DTNA: variants seen among roughly 807,000 people sequenced by gnomAD.
DTNA encodes the protein dystrobrevin alpha, also known as dystrophin-related protein 3.
In DTNA, 43 loss-of-function variants were observed where a neutral mutation model predicts 100.7. The ratio of observed to expected loss-of-function variants is 0.43; its 90% CI spans 0.33 to 0.55. The LOEUF is 0.55. Among genes scored for constraint, DTNA ranks in the 20% least tolerant of loss-of-function variants. The pLI, the probability that DTNA is intolerant of heterozygous loss-of-function variation, is 0.04. For synonymous variants in DTNA, 349 were observed against 347.9 expected, an observed-to-expected ratio of 1.00 and a Z score of -0.04; for missense variants, 798 against 953.9, an observed-to-expected ratio of 0.84 and a Z score of 2.15.
In DTNA at chr18:34,864,076, G is replaced by A. The variant is rs1617318; in HGVS notation, c.1743+14G>A. On this transcript the variant is annotated intron_variant, in intron 17 of 22. Transcript: ENST00000444659. Reference sequence around the variant, plus strand: ...AAGCTACTAAAGGTAAGACCTGCCAGATAAATTTTCCTGAGCTTATTTTCC... The same window carrying A: ...AAGCTACTAAAGGTAAGACCTGCCAAATAAATTTTCCTGAGCTTATTTTCC... 516,490 of 1,594,552 alleles carry A rather than the reference G, an allele frequency of 0.32. 87,720 individuals carry two copies. Among genetic ancestry groups the A allele is most frequent in the African/African-American group, 0.51 (37,906 of 74,562 alleles).
chr18:34,596,190 T>A (rs1440777917), intron 1 of DTNA, among the ~76,000 whole-genome samples: 2 of 152,154 alleles, frequency 1.3e-5, no homozygotes, highest in Non-Finnish European at 2.9e-5. Context: ...AAAGGCTCTT[T>A]GCTGTTTTTT....
chr18:34,785,634 GA>G (rs1216115936), intron 3 of DTNA, among the ~76,000 whole-genome samples: 1 of 152,054 alleles, frequency 6.6e-6, no homozygotes, highest in African/African-American at 2.4e-5. Flanking sequence ...CTCTATAAGA[GA>G]ATATAAATAG....
At chr18:34,748,465 T>C (rs1432094727) in intron 1 of DTNA, among the ~76,000 whole-genome samples, 4 of 152,212 alleles carry the variant, frequency 2.6e-5, no homozygotes, top group Admixed American at 2.6e-4. Context: ...CTTTGAGCCA[T>C]ATTGAGTTGA....
chr18:34,719,616 A>G (rs1276948048), intron 1 of DTNA, among the ~76,000 whole-genome samples: 1 of 152,208 alleles, frequency 6.6e-6, no homozygotes, highest in African/African-American at 2.4e-5. Flanking sequence ...AGTGCCTGAC[A>G]TATAGTAAAC....
At chr18:34,770,593 C>T (rs1654455924) in intron 3 of DTNA, among the ~76,000 whole-genome samples, 1 of 152,032 alleles carries the variant, frequency 6.6e-6, no homozygotes, top group African/African-American at 2.4e-5. Flanking sequence ...AGTCAGTTCC[C>T]GGGATTCTAA....
At chr18:34,866,255 A>C (rs2096702854) in intron 17 of DTNA, 2 of 1,588,228 alleles carry the variant, frequency 1.3e-6, no homozygotes, top group Non-Finnish European at 1.7e-6. Context: ...AAAAAGTCAT[A>C]CTAATTTGCT....
chr18:34,825,288 G>C, intron 9 of DTNA: 1 of 1,613,288 alleles, frequency 6.2e-7, no homozygotes, highest in Non-Finnish European at 8.5e-7. Flanking sequence ...AAGTAGTGCA[G>C]TCATTTCCAG....
intron 1 of DTNA, among the ~76,000 whole-genome samples, chr18:34,582,516 C>A (rs368303669): frequency 6.6e-6 from 1 of 152,064 alleles, no homozygotes; most frequent in Non-Finnish European, 1.5e-5. Context: ...CAGGGCAGCC[C>A]GTCCCCACAA....
At chr18:34,713,078 A>C (rs2083225482) in intron 1 of DTNA, among the ~76,000 whole-genome samples, 1 of 152,072 alleles carries the variant, frequency 6.6e-6, no homozygotes, top group South Asian at 2.1e-4. Flanking sequence ...GTAATTTTTG[A>C]CATGAAAAGA....
intron 1 of DTNA, among the ~76,000 whole-genome samples, chr18:34,670,155 G>T (rs1005771575): frequency 6.6e-6 from 1 of 150,804 alleles, no homozygotes; most frequent in Non-Finnish European, 1.5e-5. Flanking sequence ...TAAACTTCTT[G>T]CTTCATTTCA....
chr18:34,643,787 A>G (rs1327053754), intron 1 of DTNA, among the ~76,000 whole-genome samples: 1 of 152,170 alleles, frequency 6.6e-6, no homozygotes, highest in Non-Finnish European at 1.5e-5. Flanking sequence ...AATCTTAATA[A>G]AATTATCATT....
At chr18:34,714,588 GTGC>G (rs1406762148) in intron 1 of DTNA, among the ~76,000 whole-genome samples, 5 of 149,616 alleles carry the variant, frequency 3.3e-5, no homozygotes, top group African/African-American at 1.2e-4. Context: ...GAAACAACAG[GTGC>G]TGGAGAGGAT....
At chr18:34,565,616 C>T (rs934569774) in intron 1 of DTNA, among the ~76,000 whole-genome samples, 1 of 152,190 alleles carries the variant, frequency 6.6e-6, no homozygotes, top group Non-Finnish European at 1.5e-5. Flanking sequence ...CATTCTTTGG[C>T]TTGTGGCAAA....
intron 1 of DTNA, among the ~76,000 whole-genome samples, chr18:34,542,438 A>G (rs1857811631): frequency 6.6e-6 from 1 of 151,952 alleles, no homozygotes; most frequent in Non-Finnish European, 1.5e-5. Flanking sequence ...CCTGTGGACT[A>G]TTTCTCCTTT....
rs910699266 is a variant in DTNA at position 34,879,611 on chromosome 18, A to T, written c.2054A>T (p.Asp685Val). The change falls in exon 20 of 23, where the codon GAT becomes GTT. Residue 685 changes from aspartate to valine, a missense_variant. By Grantham distance (152) the Asp-to-Val change is radical. Around this residue, in one of 6 missense-constraint regions of DTNA, gnomAD observed 242 missense variants for 238.2 expected, o/e 1.02. Transcript: ENST00000444659. The stretch of plus-strand genomic sequence containing the variant: ...GAATTTGCACGGACTCAGTTTGAGG[A>T]TCTTGTTCCCTCACCAACCTCTGAA... ...DSEFARTQFE[D>V]LVPSPTSEKA... The T allele has an allele frequency of 1.9e-6, 3 of 1,613,978 alleles. No individual in the cohort carries two copies. In the African/African-American group the frequency reaches 4.0e-5, roughly 22 times the overall value.
chr18:34,529,181 T>G (rs2145442797), intron 1 of DTNA, among the ~76,000 whole-genome samples: 1 of 152,250 alleles, frequency 6.6e-6, no homozygotes, highest in African/African-American at 2.4e-5. Context: ...GACTGCTTAT[T>G]TTTAGAATTC....
chr18:34,788,197 C>T (rs2148929037), intron 3 of DTNA, among the ~76,000 whole-genome samples: 1 of 152,270 alleles, frequency 6.6e-6, no homozygotes, highest in African/African-American at 2.4e-5. Context: ...TTAACTAGCA[C>T]AGCAGTAAGC....
chr18:34,820,913 C>A lies in DTNA; in HGVS notation c.999C>A (p.Ile333=). 3.1e-6 allele frequency: 5 copies of A among 1,613,762 alleles called. No individual in the cohort carries two copies. The highest frequency in any genetic ancestry group is 4.2e-6 in the Non-Finnish European group (5 of 1,179,934). ...AGAAGCCACTCAACTTGGCTCACAT[C>A]GTGTGAGTATCCCTACCCTCCCAGT... ...QPEKPLNLAH[I]VPPRPVTSMN... is the part of the protein sequence containing the mutation. Residue 333 remains isoleucine (I), a splice_region_variant and synonymous_variant, in exon 9 of 23, where the codon ATC becomes ATA. Coordinates refer to ENST00000444659, the MANE Select transcript of DTNA (RefSeq NM_001386795.1).
At chr18:34,855,864 C>T (rs561094094) in intron 15 of DTNA, among the ~76,000 whole-genome samples, 1 of 152,202 alleles carries the variant, frequency 6.6e-6, no homozygotes, top group Non-Finnish European at 1.5e-5. Context: ...TGCTTCCACT[C>T]GGGCATGGGG....
Sources: allele counts gnomAD v4.1 joint callset (sites outside exome capture counted in the v4.1 genomes callset), GRCh38; gene constraint gnomAD v4.1.1; regional missense constraint gnomAD v4.1.1; transcripts MANE v1.5; gene names NCBI Gene and HGNC (gene_info 2026-07-23, HGNC 2026-07-21).